LMBRD1: variants seen among roughly 807,000 people sequenced by gnomAD.
The protein encoded by LMBRD1 is LMBR1 domain containing 1.
A neutral mutation model predicts 74.8 loss-of-function variants in LMBRD1; 64 were observed. The ratio of observed to expected loss-of-function variants is 0.86; its 90% confidence interval spans 0.70 to 1.05. The LOEUF (loss-of-function observed/expected upper bound fraction) is 1.05. LMBRD1 is among the 50% of genes least tolerant of loss of function. The pLI is 0.00. For synonymous variants in LMBRD1, 204 were observed against 216.3 expected (o/e 0.94, Z 0.50); for missense variants, 652 against 645.9 (o/e 1.01, Z -0.10).
intron 14 of LMBRD1, among the ~76,000 whole-genome samples, chr6:69,677,903 A>T (rs770341230): frequency 1.3e-5 from 2 of 152,150 alleles, no homozygotes; most frequent in Non-Finnish European, 2.9e-5. Flanking sequence ...TGTAAACCCC[A>T]TATTAGTTTT....
chr6:69,742,340 T>C (rs976948879), intron 5 of LMBRD1, among the ~76,000 whole-genome samples: 18 of 152,180 alleles, frequency 1.2e-4, no homozygotes, highest in Non-Finnish European at 2.9e-5. Flanking sequence ...GGAGTGATTA[T>C]TACTTTCTTA....
intron 3 of LMBRD1, among the ~76,000 whole-genome samples, chr6:69,769,227 G>C (rs1765529912): frequency 6.6e-6 from 1 of 152,012 alleles, no homozygotes; most frequent in African/African-American, 2.4e-5. Flanking sequence ...CTTCAGATTA[G>C]ATCATCTACC....
intron 14 of LMBRD1, among the ~76,000 whole-genome samples, chr6:69,683,692 A>C (rs2149835722): frequency 6.6e-6 from 1 of 152,234 alleles, no homozygotes; most frequent in Admixed American, 6.5e-5. Flanking sequence ...TTACTGGTTC[A>C]AGATAACAGA....
intron 3 of LMBRD1, among the ~76,000 whole-genome samples, chr6:69,765,633 G>GT (rs1765461738): frequency 6.6e-6 from 1 of 152,056 alleles, no homozygotes; most frequent in Non-Finnish European, 1.5e-5. Context: ...TGGCTTGTCA[G>GT]TTTTTCAAAA....
At chr6:69,728,594 C>T (rs949124690) in intron 7 of LMBRD1, among the ~76,000 whole-genome samples, 2 of 152,172 alleles carry the variant, frequency 1.3e-5, no homozygotes, top group African/African-American at 2.4e-5. Flanking sequence ...CCCAAGGAAC[C>T]TTTTGCTCTA....
At chr6:69,686,016 CA>C (rs1461769005) in intron 14 of LMBRD1, among the ~76,000 whole-genome samples, 1 of 151,762 alleles carries the variant, frequency 6.6e-6, no homozygotes, top group African/African-American at 2.4e-5. Context: ...CAAGACAAAA[CA>C]AAACAAAAAA....
chr6:69,704,672 CTAT>C (rs1287522509), intron 9 of LMBRD1, among the ~76,000 whole-genome samples: 3 of 143,700 alleles, frequency 2.1e-5, no homozygotes, highest in Non-Finnish European at 4.6e-5. Flanking sequence ...AGTGGTCTGT[CTAT>C]TAATTAAAAC....
chr6:69,725,139 C>A (rs1402972632), intron 7 of LMBRD1, among the ~76,000 whole-genome samples: 1 of 151,808 alleles, frequency 6.6e-6, no homozygotes, highest in African/African-American at 2.4e-5. Context: ...AATTAAATAA[C>A]TAGGAATTAA....
chr6:69,740,146 T>C (rs1326738267), intron 6 of LMBRD1, among the ~76,000 whole-genome samples: 1 of 152,068 alleles, frequency 6.6e-6, no homozygotes, highest in African/African-American at 2.4e-5. Context: ...TCATATACCC[T>C]TGATGCCTGA....
In LMBRD1 at chr6:69,674,605, G is replaced by C. The variant is rs1765510017; in HGVS notation, c.*1553C>G. Among the ~76,000 whole-genome samples, 1 of 152,192 alleles carries C rather than the reference G, an allele frequency of 6.6e-6. No homozygotes were observed. The highest frequency in any genetic ancestry group is 1.5e-5 in the Non-Finnish European group (1 of 68,028). ...TTGAAGCAGTAATTTCTAGCTAAAA[G>C]ATAACTCAAAGTTCAGAGCTTAAGA... On this transcript the variant is annotated 3_prime_UTR_variant, in exon 16 of 16. Coordinates refer to ENST00000649934, the MANE Select transcript of LMBRD1 (RefSeq NM_018368.4).
intron 7 of LMBRD1, among the ~76,000 whole-genome samples, chr6:69,735,173 T>C (rs1766947678): frequency 6.6e-6 from 1 of 152,238 alleles, no homozygotes; most frequent in South Asian, 2.1e-4. Flanking sequence ...GGCTGGAGCC[T>C]ATCCCACTAG....
At chr6:69,721,396 T>C (rs552675311) in intron 7 of LMBRD1, among the ~76,000 whole-genome samples, 1 of 152,276 alleles carries the variant, frequency 6.6e-6, no homozygotes, top group East Asian at 1.9e-4. Flanking sequence ...GATACCAGCA[T>C]GGCCACAACA....
intron 8 of LMBRD1, 124 bp from the exon 9 acceptor site, chr6:69,713,921 TAAA>T: frequency 1.0e-6 from 1 of 981,906 alleles, no homozygotes; most frequent in Non-Finnish European, 1.5e-6. Flanking sequence ...ATTTACAAAC[TAAA>T]AAAAACCTGA....
intron 14 of LMBRD1, among the ~76,000 whole-genome samples, chr6:69,694,712 T>C (rs1765956571): frequency 6.6e-6 from 1 of 152,160 alleles, no homozygotes; most frequent in Non-Finnish European, 1.5e-5. Context: ...CAATTCTCCT[T>C]CAGTTCTTCA....
In LMBRD1 at chr6:69,741,820, C is replaced by G. The variant is rs1181637640; in HGVS notation, c.531G>C (p.Val177=). The part of the protein sequence containing the change: ...NNKNSTEWEK[V]KSLFEELGSS... Reference sequence around the variant, plus strand: ...TTCCAAGTTCTTCAAATAGGGACTTCACTTTTTCCCACTCTGTAGAATTTT... The same window carrying G: ...TTCCAAGTTCTTCAAATAGGGACTTGACTTTTTCCCACTCTGTAGAATTTT... The change falls in exon 6 of 16, where the codon GTG becomes GTC. Residue 177 remains valine (V), a synonymous_variant. Transcript: ENST00000649934. 6.2e-7 allele frequency: 1 copy of G among 1,605,326 alleles called. No homozygotes were observed. The highest frequency in any genetic ancestry group is 8.5e-7 in the Non-Finnish European group (1 of 1,172,186).
At chr6:69,687,765 A>G (rs1337648558) in intron 14 of LMBRD1, among the ~76,000 whole-genome samples, 1 of 152,186 alleles carries the variant, frequency 6.6e-6, no homozygotes, top group African/African-American at 2.4e-5. Context: ...GATGACTTAT[A>G]TTAATCTTAT....
At chr6:69,707,221 T>C in intron 9 of LMBRD1, among the ~76,000 whole-genome samples, 1 of 152,162 alleles carries the variant, frequency 6.6e-6, no homozygotes, top group Non-Finnish European at 1.5e-5. Flanking sequence ...ACTTTGAATA[T>C]CTTTGATGTA....
rs1766110178 is a variant in LMBRD1 at position 69,700,807 on chromosome 6, C to A, written c.1146G>T (p.Met382Ile). 6.6e-7 allele frequency: 1 copy of A among 1,510,948 alleles called. No homozygotes were observed. Among genetic ancestry groups the A allele is most frequent in the Non-Finnish European group, 9.0e-7 (1 of 1,109,206 alleles). The allele number at this position is 1,510,948 out of a possible 1,614,324, so 93.6% of individuals were successfully genotyped here. A position where few individuals can be genotyped will look rare whatever the true frequency, so the allele number is the denominator to read the frequency against. Residue 382 changes from methionine to isoleucine, a missense_variant, in exon 12 of 16, where the codon ATG becomes ATT. Coordinates refer to ENST00000649934, the MANE Select transcript of LMBRD1 (RefSeq NM_018368.4). The part of the protein sequence containing the change: ...IIIMYFIFTS[M>I]AGIRNIGIWF... ...ATATGCCAATATTTCGAATTCCTGC[C>A]ATTGAAGTAAAAATAAAGTACATAA...
At chr6:69,734,494 C>T (rs935435299) in intron 7 of LMBRD1, among the ~76,000 whole-genome samples, 11 of 151,650 alleles carry the variant, frequency 7.3e-5, no homozygotes, top group African/African-American at 2.7e-4. Context: ...CTGCCGAATT[C>T]AAGCGATTCT....
Sources: gnomAD v4.1 joint callset for allele counts (sites outside exome capture counted in the v4.1 genomes callset) on GRCh38, gnomAD v4.1.1 for gene constraint, MANE v1.5 for transcripts, NCBI Gene and HGNC (gene_info 2026-07-23, HGNC 2026-07-21) for gene names.